NXN: variants seen among roughly 807,000 people sequenced by gnomAD.
NXN encodes nucleoredoxin.
A neutral mutation model predicts 48.6 loss-of-function variants in NXN; 16 were observed. The observed-to-expected ratio is 0.33, with a 90% CI of 0.22 to 0.50. NXN has a LOEUF of 0.50. Among genes scored for constraint, NXN ranks in the 20% least tolerant of loss-of-function variants. NXN has a pLI of 0.98. For missense variants in NXN, 492 were observed against 605.5 expected (o/e 0.81, Z 1.97); for synonymous variants, 281 against 269.6 (o/e 1.04, Z -0.41).
chr17:804,240 C>T (rs1450392850), intron 6 of NXN, among the ~76,000 whole-genome samples: 2 of 135,890 alleles, frequency 1.5e-5, no homozygotes, highest in Non-Finnish European at 3.2e-5. Context: ...TGGTGGTGAG[C>T]GGGAGGGGGT....
At chr17:809,078 C>T (rs1444003598) in intron 5 of NXN, among the ~76,000 whole-genome samples, 2 of 152,258 alleles carry the variant, frequency 1.3e-5, no homozygotes, top group African/African-American at 2.4e-5. Context: ...CAGAGTCCTC[C>T]GTGATGGGCT....
intron 5 of NXN, among the ~76,000 whole-genome samples, chr17:808,676 G>GTTTTTTTT (rs5818768): frequency 3.1e-5 from 4 of 128,988 alleles, no homozygotes; most frequent in East Asian, 2.4e-4. Context: ...TTATAAACCA[G>GTTTTTTTT]TTTTTTTTTT....
intron 1 of NXN, chr17:864,026 T>G: frequency 6.5e-7 from 1 of 1,528,938 alleles, no homozygotes; most frequent in East Asian, 2.5e-5. Context: ...GTTGCTGGGT[T>G]CCGGTGAAGG....
At chr17:953,024 G>C (rs926056686) in intron 1 of NXN, among the ~76,000 whole-genome samples, 8 of 152,128 alleles carry the variant, frequency 5.3e-5, no homozygotes, top group African/African-American at 1.4e-4. Flanking sequence ...AAAGATGAGA[G>C]CCATGAAGAC....
At chr17:975,283 C>G (rs1191098422) in intron 1 of NXN, among the ~76,000 whole-genome samples, 1 of 152,198 alleles carries the variant, frequency 6.6e-6, no homozygotes, top group African/African-American at 2.4e-5. Flanking sequence ...TCTTTTCCCA[C>G]CTTGAAAGTG....
chr17:829,250 G>C (rs1302700524), intron 1 of NXN, among the ~76,000 whole-genome samples: 1 of 151,080 alleles, frequency 6.6e-6, no homozygotes, highest in African/African-American at 2.5e-5. Flanking sequence ...TCTGCCTCCC[G>C]GGTTCAACGA....
chr17:804,449 C>T (rs537457519), intron 6 of NXN, among the ~76,000 whole-genome samples: 2 of 151,992 alleles, frequency 1.3e-5, no homozygotes, highest in Admixed American at 6.6e-5. Context: ...CACCCAGGCT[C>T]GTACAGTGAT....
intron 1 of NXN, among the ~76,000 whole-genome samples, chr17:937,890 G>A (rs1248561275): frequency 6.6e-6 from 1 of 152,216 alleles, no homozygotes; most frequent in African/African-American, 2.4e-5. Flanking sequence ...AAGTCACATA[G>A]CCCAGAGCAG....
intron 1 of NXN, among the ~76,000 whole-genome samples, chr17:863,177 CTTTG>C (rs1251577309): frequency 6.6e-6 from 1 of 151,348 alleles, no homozygotes; most frequent in African/African-American, 2.4e-5. Context: ...GTTCTGTCTT[CTTTG>C]TTTTTTTGAG....
rs1913080024 is a variant in NXN, at chr17:825,986, C to T, written c.453G>A (p.Leu151=). ...TTGKVVCRNG[L]LVIRDDPEGL... ...CTTCTGGGTCATCTCGGATCACCAG[C>T]AGCCCGTTCCTGCACACAACCTTCC... Residue 151 remains leucine, a synonymous_variant, in exon 2 of 8, where the codon CTG becomes CTA. Transcript: ENST00000336868. This position sits in a 1 kb window ranked among gnomAD's most constrained non-coding sequence, Gnocchi z 4.1. The T allele has an allele frequency of 6.2e-7, 1 of 1,612,856 alleles. No individual in the cohort carries two copies. Among genetic ancestry groups the T allele is most frequent in the South Asian group, 1.1e-5 (1 of 90,924 alleles).
intron 1 of NXN, among the ~76,000 whole-genome samples, chr17:889,740 A>G (rs1379518944): frequency 1.4e-5 from 1 of 71,026 alleles, no homozygotes; most frequent in Non-Finnish European, 2.8e-5. Context: ...AGAAAGAAAG[A>G]AAGAAAGAAA....
At position 920,636 on chromosome 17, in the gene NXN, C is replaced by T. The variant is rs1567863188; in HGVS notation, c.360+58683G>A. On this transcript the variant is annotated intron_variant, in intron 1 of 7. Transcript: ENST00000336868. This position sits in a 1 kb window ranked among gnomAD's most constrained non-coding sequence, Gnocchi z 4.6. ...CAACTGTACCCTCACTGGCAGCACC[C>T]AGGACGTTCTCAATGAGGTCTTCAT... 6.6e-6 allele frequency among the ~76,000 whole-genome samples: 1 copy of T among 152,158 alleles called. No homozygotes were observed. The highest frequency in any genetic ancestry group is 2.4e-5 in the African/African-American group (1 of 41,440).
Position 963,208 on chromosome 17 carries a change from GGGAC to G in NXN, c.360+16107_360+16110del, listed in dbSNP as rs1228880371. On this transcript the variant is annotated intron_variant, in intron 1 of 7. Coordinates refer to ENST00000336868, the MANE Select transcript of NXN (RefSeq NM_022463.5). ...AAAAAAAAAAAAAGGTATAGGTACT[GGGAC>G]GGACACACACACACACACACACACA... is the stretch of plus-strand genomic sequence containing the variant. Among the ~76,000 whole-genome samples the G allele has an allele frequency of 3.1e-3, 436 of 142,158 alleles. 2 individuals carry two copies. Among genetic ancestry groups the G allele is most frequent in the African/African-American group, 0.011 (408 of 38,166 alleles). The allele number at this position is 142,158 out of a possible 152,430, so 93.3% of individuals were successfully genotyped here. A position where few individuals can be genotyped will look rare whatever the true frequency, so the allele number is the denominator to read the frequency against.
chr17:853,702 C>CTT (rs1555614454), intron 1 of NXN, among the ~76,000 whole-genome samples: 17 of 119,304 alleles, frequency 1.4e-4, no homozygotes, highest in African/African-American at 4.7e-4. Flanking sequence ...CTGTTATACA[C>CTT]ATATATATAT....
chr17:960,870 C>A lies in NXN; in HGVS notation c.360+18449G>T, dbSNP rs1166556712. Among the ~76,000 whole-genome samples, 5 of 150,554 alleles carry A rather than the reference C, an allele frequency of 3.3e-5. No homozygotes were observed. In the East Asian group the frequency reaches 8.0e-4, roughly 24 times the overall value. ...GCGCAATCTCGGCTCACTGCAAGCT[C>A]CGCCTCCCAGGTTCAAGTGATTCTC... On this transcript the variant is annotated intron_variant, in intron 1 of 7. Transcript: ENST00000336868.
chr17:810,940 A>G (rs1297635693), intron 5 of NXN, among the ~76,000 whole-genome samples: 2 of 152,214 alleles, frequency 1.3e-5, no homozygotes, highest in African/African-American at 4.8e-5. Flanking sequence ...AAACCGCTCT[A>G]AAGGTCTCGA....
intron 1 of NXN, among the ~76,000 whole-genome samples, chr17:925,843 C>G (rs191208881): frequency 6.5e-4 from 99 of 152,318 alleles, no homozygotes; most frequent in African/African-American, 2.2e-3. Context: ...CCAAGAAGTA[C>G]ATGGTGGGCT....
chr17:972,202 T>C (rs2069391663), intron 1 of NXN, among the ~76,000 whole-genome samples: 1 of 152,082 alleles, frequency 6.6e-6, no homozygotes, highest in South Asian at 2.1e-4. Context: ...CTCGGGAGGC[T>C]GAAGCAGAAG....
chr17:803,046 C>G (rs1350213901), intron 7 of NXN, among the ~76,000 whole-genome samples: 2 of 152,180 alleles, frequency 1.3e-5, no homozygotes, highest in African/African-American at 2.4e-5. Flanking sequence ...CGGAGACGCC[C>G]GTCTGCAGGG....
Sources: gnomAD v4.1 joint callset for allele counts (sites outside exome capture counted in the v4.1 genomes callset) on GRCh38, gnomAD v4.1.1 for gene constraint, Gnocchi (gnomAD v3.1) non-coding constraint, MANE v1.5 for transcripts, NCBI Gene and HGNC (gene_info 2026-07-23, HGNC 2026-07-21) for gene names.